The following COL11A1 variants were observed in gnomAD, a reference collection of about 807,000 sequenced individuals.
COL11A1 encodes the protein collagen alpha-1(XI) chain.
COL11A1 carries 74 observed loss-of-function variants against 265.2 expected under a neutral mutation model. That is an observed-to-expected ratio of 0.28 (90% CI 0.23 to 0.34). The LOEUF is 0.34. Among genes scored for constraint, COL11A1 ranks in the 10% least tolerant of loss-of-function variants. The probability of loss-of-function intolerance (pLI) is 1.00; values close to 1 mark genes in which losing one functional copy is unlikely to be tolerated. For synonymous variants in COL11A1, 816 were observed against 727.6 expected, an observed-to-expected ratio of 1.12 and a Z score of -1.96; for missense variants, 2,165 against 2,263.6, an observed-to-expected ratio of 0.96 and a Z score of 0.88.
Position 102,998,348 on chromosome 1 carries a change from G to A in COL11A1, c.2158C>T (p.Pro720Ser). The A allele has an allele frequency of 3.1e-6, 5 of 1,603,550 alleles. No homozygotes were observed. The highest frequency in any genetic ancestry group is 4.3e-6 in the Non-Finnish European group (5 of 1,174,402). Residue 720 changes from proline (P) to serine (S), a missense_variant, in exon 25 of 67, where the codon CCA (proline) becomes TCA (serine). Pro to Ser is a moderately conservative substitution (Grantham distance 74, BLOSUM62 -1). Transcript: ENST00000370096. ...GCACCAGGAAGTCCAGCAAGTCCTG[G>A]TTTTCCTTGTGGTCCCTTATAGAGA... is the stretch of plus-strand genomic sequence containing the variant. ...PPGEKGPQGK[P>S]GLAGLPGADG...
At chr1:102,966,011 C>T (rs907321494) in intron 37 of COL11A1, among the ~76,000 whole-genome samples, 2 of 152,100 alleles carry the variant, frequency 1.3e-5, no homozygotes, top group African/African-American at 2.4e-5. Flanking sequence ...TAAAATAATG[C>T]TTTGCATAGT....
chr1:102,921,666 G>T, intron 47 of COL11A1, 95 bp from the exon 48 acceptor site: 1 of 1,103,020 alleles, frequency 9.1e-7, no homozygotes, highest in Non-Finnish European at 1.4e-6. Context: ...AGAAGTTTAA[G>T]CTTGTAAAAA....
chr1:102,935,412 C>A (rs1658039329), intron 44 of COL11A1, among the ~76,000 whole-genome samples: 3 of 152,086 alleles, frequency 2.0e-5, no homozygotes, highest in Admixed American at 2.0e-4. Flanking sequence ...GTAAGATTCG[C>A]ATTTGAAAAT....
chr1:102,878,369 G>A (rs1649764943), intron 66 of COL11A1, among the ~76,000 whole-genome samples: 1 of 149,398 alleles, frequency 6.7e-6, no homozygotes, highest in South Asian at 2.1e-4. Context: ...ATACTTAGCT[G>A]TAATTACTTA....
chr1:103,031,918 A>G (rs1314724681), intron 4 of COL11A1, among the ~76,000 whole-genome samples: 2 of 152,092 alleles, frequency 1.3e-5, no homozygotes, highest in Admixed American at 1.3e-4. Flanking sequence ...TGATTTCAAT[A>G]AAATCAAAAC....
intron 44 of COL11A1, among the ~76,000 whole-genome samples, chr1:102,938,389 AAT>A (rs200440778): frequency 3.4e-5 from 1 of 29,166 alleles, no homozygotes; most frequent in East Asian, 0.012. Flanking sequence ...GGGAAAAAAA[AAT>A]TAAAAAAAAA....
chr1:102,905,371 A>G (rs1653830945), intron 54 of COL11A1, among the ~76,000 whole-genome samples: 2 of 151,184 alleles, frequency 1.3e-5, no homozygotes, highest in African/African-American at 4.9e-5. Flanking sequence ...CTTAAAGTAT[A>G]ATAATAATAA....
At chr1:103,106,664 A>G (rs1674715649) in intron 1 of COL11A1, among the ~76,000 whole-genome samples, 1 of 152,204 alleles carries the variant, frequency 6.6e-6, no homozygotes, top group Admixed American at 6.5e-5. Context: ...AATCAACATA[A>G]TAACTCCTTT....
intron 4 of COL11A1, among the ~76,000 whole-genome samples, chr1:103,032,052 CT>C (rs2102000331): frequency 6.6e-6 from 1 of 152,166 alleles, no homozygotes; most frequent in East Asian, 1.9e-4. Flanking sequence ...TCCATCTGGA[CT>C]TTATTTCATC....
intron 54 of COL11A1, among the ~76,000 whole-genome samples, chr1:102,910,670 GA>G (rs1176320995): frequency 6.6e-6 from 1 of 151,750 alleles, no homozygotes; most frequent in East Asian, 1.9e-4. Flanking sequence ...GTTATGAGGT[GA>G]TTTTTTTTTT....
chr1:103,071,869 G>GTA (rs67216828), intron 4 of COL11A1, among the ~76,000 whole-genome samples: 3,204 of 147,656 alleles, frequency 0.022, 109 homozygotes, highest in African/African-American at 0.073. Context: ...ATATGTGTTT[G>GTA]TATATATATA....
At position 102,987,738 on chromosome 1, in the gene COL11A1, T is replaced by A. The variant is rs781179434; in HGVS notation, c.2397A>T (p.Gly799=). 20 of 1,611,236 alleles carry A rather than the reference T, an allele frequency of 1.2e-5. No homozygotes were observed. In the South Asian group the frequency reaches 1.8e-4, roughly 14 times the overall value. Residue 799 remains glycine, a splice_region_variant and synonymous_variant, in exon 30 of 67, where the codon GGA becomes GGT. Transcript: ENST00000370096. ...CTCTTGGGCCAATTTGACCAACTTC[T>A]CCCTGAGGCACAGAATAACAACATT... ...KGDMGLKGDR[G]EVGQIGPRGE... is the part of the protein sequence containing the mutation.
At chr1:103,076,360 T>C (rs983902042) in intron 3 of COL11A1, among the ~76,000 whole-genome samples, 1 of 152,040 alleles carries the variant, frequency 6.6e-6, no homozygotes, top group Non-Finnish European at 1.5e-5. Flanking sequence ...GAGCCACCTT[T>C]TAAAAATCTA....
chr1:103,000,651 G>A (rs1665019334), intron 24 of COL11A1, among the ~76,000 whole-genome samples: 1 of 151,774 alleles, frequency 6.6e-6, no homozygotes, highest in Admixed American at 6.6e-5. Flanking sequence ...CCTCATACAT[G>A]GTTACTTGGA....
At chr1:103,082,624 G>A (rs1244149422) in intron 2 of COL11A1, among the ~76,000 whole-genome samples, 181 bp downstream of exon 2, 1 of 151,872 alleles carries the variant, frequency 6.6e-6, no homozygotes, top group Non-Finnish European at 1.5e-5. Flanking sequence ...ACATTACTTT[G>A]GTGACCACAA....
At chr1:103,019,134 C>T (rs899323697) in intron 9 of COL11A1, among the ~76,000 whole-genome samples, 1 of 151,880 alleles carries the variant, frequency 6.6e-6, no homozygotes, top group Non-Finnish European at 1.5e-5. Context: ...CTAAGTGCTC[C>T]CAGGAAGAGT....
chr1:102,915,534 A>T, intron 50 of COL11A1, 97 bp downstream of exon 50: 1 of 1,068,860 alleles, frequency 9.4e-7, no homozygotes, highest in Non-Finnish European at 1.5e-6. Flanking sequence ...GGAAAGTAAA[A>T]TTCGAACCAC....
chr1:102,964,193 C>A (rs1349892656), intron 38 of COL11A1, among the ~76,000 whole-genome samples: 1 of 152,124 alleles, frequency 6.6e-6, no homozygotes, highest in African/African-American at 2.4e-5. Flanking sequence ...TATTTAGTTA[C>A]ATTCCATGAT....
intron 14 of COL11A1, among the ~76,000 whole-genome samples, chr1:103,009,902 G>A (rs984353765): frequency 6.6e-6 from 1 of 152,006 alleles, no homozygotes; most frequent in African/African-American, 2.4e-5. Flanking sequence ...AAAAACTGGG[G>A]TTCTACATTA....
Sources: allele counts gnomAD v4.1 joint callset (sites outside exome capture counted in the v4.1 genomes callset), GRCh38; gene constraint gnomAD v4.1.1; transcripts MANE v1.5; gene names NCBI Gene and HGNC (gene_info 2026-07-23, HGNC 2026-07-21).